Variants in TSBP1 observed in about 807,000 individuals in gnomAD.
TSBP1 encodes the protein testis-expressed basic protein 1.
TSBP1 carries 56 observed loss-of-function variants against 68.8 expected under a neutral mutation model. That is an observed-to-expected ratio of 0.81 (90% confidence interval 0.66 to 1.02). The LOEUF (loss-of-function observed/expected upper bound fraction) is 1.02. TSBP1 is among the 50% of genes least tolerant of loss of function. The pLI, the probability that TSBP1 is intolerant of heterozygous loss-of-function variation, is 0.00. For synonymous variants in TSBP1, 171 were observed against 208.7 expected (o/e 0.82, Z 1.56); for missense variants, 502 against 641.2 (o/e 0.78, Z 2.34).
Position 32,325,873 on chromosome 6 carries a change from G to A in TSBP1, c.515-2259C>T. 2 of 1,466,930 alleles carry A rather than the reference G, an allele frequency of 1.4e-6. No homozygotes were observed. Among genetic ancestry groups the A allele is most frequent in the Admixed American group, 1.7e-5 (1 of 59,832 alleles). The allele number at this position is 1,466,930 out of a possible 1,614,324, so 90.9% of individuals were successfully genotyped here. ...TGGGAATGACAACTTTGATCATGGA[G>A]GAAACTTCAGTGGTTGTGGTGGCTT... is the stretch of plus-strand genomic sequence containing the variant. On this transcript the variant is annotated intron_variant, in intron 16 of 22. Transcript: ENST00000612031. This position sits in a 1 kb window ranked among gnomAD's most constrained non-coding sequence, Gnocchi z 4.4.
At chr6:32,324,528 T>A in intron 16 of TSBP1, 1 of 1,210,386 alleles carries the variant, frequency 8.3e-7, no homozygotes, top group South Asian at 1.3e-5. Context: ...GAGGTTTTGA[T>A]AATGAGACAG....
chr6:32,338,880 GAAAGA>G lies in TSBP1; in HGVS notation c.409+94_409+98del, dbSNP rs140578865. The G allele has an allele frequency of 0.16, 155,692 of 984,640 alleles. 15,330 individuals carry two copies. Among genetic ancestry groups the G allele is most frequent in the Middle Eastern group, 0.31 (1,493 of 4,804 alleles). The allele number at this position is 984,640 out of a possible 1,614,324, so 61.0% of individuals were successfully genotyped here. On this transcript the variant is annotated intron_variant, in intron 11 of 22. Coordinates refer to ENST00000612031, the Ensembl canonical transcript of TSBP1. The surrounding 1 kb of genome is among the most constrained non-coding windows in gnomAD (Gnocchi z 5.5). ...AAGGGGAAAGGAATGGACAATTTGT[GAAAGA>G]AATAAAAAAATCTAGGAATATGAGT...
Position 32,310,761 on chromosome 6 carries a change from A to ATATATATATATATATTTTTTT in TSBP1, c.580+5010_580+5011insAAAAAAATATATATATATATA. On this transcript the variant is annotated intron_variant, in intron 19 of 22. Transcript: ENST00000612031. ...TATATATACATATATATATATATAT[A>ATATATATATATATATTTTTTT]TTTTTAATCTTTTTAGAAAGGATAG... Among the ~76,000 whole-genome samples the ATATATATATATATATTTTTTT allele has an allele frequency of 2.1e-5, 3 of 144,806 alleles. No individual in the cohort carries two copies. The East Asian group carries it at 6.0e-4, about 29-fold the overall frequency. 95.0% of individuals were successfully genotyped at this position (144,806 alleles called of 152,430 possible).
At chr6:32,359,883 TTTC>T (rs1772799387) in intron 6 of TSBP1, among the ~76,000 whole-genome samples, 2 of 152,262 alleles carry the variant, frequency 1.3e-5, no homozygotes, top group South Asian at 2.1e-4. Context: ...AGATTATTTT[TTTC>T]TTTTCTTTAG....
chr6:32,355,126 A>G, exon 8 of TSBP1: 2 of 1,611,736 alleles, frequency 1.2e-6, no homozygotes, highest in Non-Finnish European at 8.5e-7. Context: ...GCACTTACCT[A>G]GAGAGTTGGT....
At chr6:32,349,860 A>G (rs748204070) in intron 8 of TSBP1, 100 bp from the exon 9 acceptor site, 1 of 1,298,572 alleles carries the variant, frequency 7.7e-7, no homozygotes, top group East Asian at 2.3e-5. Flanking sequence ...GGAAAAGAGG[A>G]TAGAAATGAG....
chr6:32,308,064 C>A (rs9268180), intron 19 of TSBP1, among the ~76,000 whole-genome samples: 3 of 151,730 alleles, frequency 2.0e-5, no homozygotes, highest in Non-Finnish European at 4.4e-5. Flanking sequence ...CATGAGCCAC[C>A]GCACCTGGCC....
chr6:32,354,434 G>A (rs1772048017), intron 8 of TSBP1, among the ~76,000 whole-genome samples: 1 of 152,116 alleles, frequency 6.6e-6, no homozygotes, highest in South Asian at 2.1e-4. Flanking sequence ...TGTTACTAAT[G>A]CAGAGAAATT....
At chr6:32,330,835 T>C (rs1768927915) in intron 15 of TSBP1, among the ~76,000 whole-genome samples, 1 of 151,864 alleles carries the variant, frequency 6.6e-6, no homozygotes, top group Non-Finnish European at 1.5e-5. Flanking sequence ...CATGCCTGGC[T>C]ATTTTTTGTA....
At chr6:32,317,357 G>A (rs1400024410) in intron 18 of TSBP1, among the ~76,000 whole-genome samples, 3 of 152,226 alleles carry the variant, frequency 2.0e-5, no homozygotes, top group South Asian at 4.1e-4. Flanking sequence ...TAAAAACCCT[G>A]GAAGACCACC....
At chr6:32,363,120 A>C (rs1361239838) in intron 6 of TSBP1, among the ~76,000 whole-genome samples, 1 of 152,044 alleles carries the variant, frequency 6.6e-6, no homozygotes, top group Non-Finnish European at 1.5e-5. Context: ...TTATATAGTG[A>C]GCTCCTTTGT....
Position 32,365,531 on chromosome 6 carries a change from TCTC to T in TSBP1, c.217+633_217+635del, listed in dbSNP as rs776722380. ...CAGTCTCTTTTCCCTGCTCCCAGCC[TCTC>T]CTAACCATTCAACTATGCTGATCAT... On this transcript the variant is annotated intron_variant, in intron 6 of 22. Coordinates refer to ENST00000612031, the Ensembl canonical transcript of TSBP1. This position sits in a 1 kb window ranked among gnomAD's most constrained non-coding sequence, Gnocchi z 4.3. 39 of 456,584 alleles carry T rather than the reference TCTC, an allele frequency of 8.5e-5. No homozygotes were observed. Among genetic ancestry groups the T allele is most frequent in the African/African-American group, 6.2e-4 (31 of 50,168 alleles). 28.3% of individuals were successfully genotyped at this position (456,584 alleles called of 1,614,324 possible). A position where few individuals can be genotyped will look rare whatever the true frequency, so the allele number is the denominator to read the frequency against.
At chr6:32,345,234 TTA>T (rs1451288380) in intron 9 of TSBP1, among the ~76,000 whole-genome samples, 1 of 150,372 alleles carries the variant, frequency 6.7e-6, no homozygotes, top group Non-Finnish European at 1.5e-5. Context: ...TAAACTTTCC[TTA>T]GTTTCCCTAT....
At position 32,306,478 on chromosome 6, in the gene TSBP1, T is replaced by C. The variant is rs1264153279; in HGVS notation, c.581-3849A>G. Among the ~76,000 whole-genome samples the C allele has an allele frequency of 6.6e-6, 1 of 152,168 alleles. No individual in the cohort carries two copies. Among genetic ancestry groups the C allele is most frequent in the African/African-American group, 2.4e-5 (1 of 41,438 alleles). ...CTCCATCTTCTCGGTTTGCTGACTCTCCAATATAATCTGCTTTTCATCCCA... is the reference window on the plus strand; with the variant it reads ...CTCCATCTTCTCGGTTTGCTGACTCCCCAATATAATCTGCTTTTCATCCCA... On this transcript the variant is annotated intron_variant, in intron 19 of 22. Transcript: ENST00000612031. This position sits in a 1 kb window ranked among gnomAD's most constrained non-coding sequence, Gnocchi z 5.1.
chr6:32,299,898 G>A, intron 22 of TSBP1, 24 bp downstream of exon 25: 1 of 1,581,190 alleles, frequency 6.3e-7, no homozygotes, highest in Non-Finnish European at 8.7e-7. Flanking sequence ...AAATATCAGA[G>A]TTGAGAATAG....
rs1767604991 is a variant in TSBP1 at position 32,321,270 on chromosome 6, C to T, written c.559+1847G>A. Among the ~76,000 whole-genome samples, 1 of 152,042 alleles carries T rather than the reference C, an allele frequency of 6.6e-6. No individual in the cohort carries two copies. The highest frequency in any genetic ancestry group is 2.4e-5 in the African/African-American group (1 of 41,400). ...GTGGTATAATCCCTAGTTACTTTTG[C>T]GTGCTTTTTTTCATCCCCTCTACTA... On this transcript the variant is annotated intron_variant, in intron 18 of 22. Transcript: ENST00000612031. The surrounding 1 kb of genome is among the most constrained non-coding windows in gnomAD (Gnocchi z 4.3).
intron 9 of TSBP1, among the ~76,000 whole-genome samples, chr6:32,347,165 ATT>A (rs9279590): frequency 0.4 from 57,376 of 144,090 alleles, 10,957 homozygotes; most frequent in Middle Eastern, 0.56. Context: ...GCCCTCTTAG[ATT>A]TTTTTTTTTT....
At chr6:32,368,966 C>A in intron 2 of TSBP1, 152 bp from the exon 3 acceptor site, 5 of 902,156 alleles carry the variant, frequency 5.5e-6, no homozygotes, top group Non-Finnish European at 8.0e-6. Flanking sequence ...TTTTCCACAT[C>A]TCCCATCAGC....
At chr6:32,309,526 T>C (rs575854457) in intron 19 of TSBP1, among the ~76,000 whole-genome samples, 1 of 152,288 alleles carries the variant, frequency 6.6e-6, no homozygotes, top group East Asian at 1.9e-4. Flanking sequence ...TTGCTGATTG[T>C]ATCTTATGGG....
Sources: allele counts gnomAD v4.1 joint callset (sites outside exome capture counted in the v4.1 genomes callset), GRCh38; gene constraint gnomAD v4.1.1; non-coding constraint Gnocchi (gnomAD v3.1); transcripts MANE v1.5; gene names NCBI Gene and HGNC (gene_info 2026-07-23, HGNC 2026-07-21).